Variants in OTC observed in about 807,000 individuals in gnomAD.
The protein encoded by OTC is ornithine transcarbamylase, also known as ornithine transcarbamylase, mitochondrial.
In OTC, 3 loss-of-function variants were observed where a neutral mutation model predicts 30.3. The ratio of observed to expected loss-of-function variants is 0.10; its 90% CI spans 0.05 to 0.26. OTC has a LOEUF of 0.26. Ranked by LOEUF, OTC falls within the 10% of genes least tolerant of loss-of-function variation. The pLI is 1.00. For synonymous variants in OTC, 111 were observed against 99.7 expected, an observed-to-expected ratio of 1.11 and a Z score of -0.67; for missense variants, 194 against 260.3, an observed-to-expected ratio of 0.75 and a Z score of 1.75.
intron 9 of OTC, among the ~76,000 whole-genome samples, chrX:38,420,789 T>G (rs151031366): frequency 9.0e-6 from 1 of 111,553 alleles, no homozygotes; most frequent in African/African-American, 3.3e-5. Context: ...GAATGAGGCC[T>G]AATTATGCAG....
At chrX:38,343,317 G>T in the OTC span, among the ~76,000 whole-genome samples, 1 of 111,779 alleles carries the variant, frequency 8.9e-6, no homozygotes, top group African/African-American at 3.3e-5. Flanking sequence ...TTCCCTGTTT[G>T]CTCTGTGCCT....
At chrX:38,403,481 T>C (rs981264383) in intron 5 of OTC, 137 bp from the exon 6 acceptor site, 3 of 615,010 alleles carry the variant, frequency 4.9e-6, no homozygotes, top group Non-Finnish European at 8.0e-6. Context: ...CTCTGTGTAA[T>C]GCAAAAAAAT....
Position 38,369,514 on chromosome X carries a change from AT to A in OTC, c.217-265del, listed in dbSNP as rs11313102. On this transcript the variant is annotated intron_variant, in intron 2 of 9. Transcript: ENST00000039007. Reference sequence around the variant, plus strand: ...AGGCACCCACCACCACTCCAGGCTAATTTTTTTTTTTTTTTTTGGTATTTTG... The same window carrying A: ...AGGCACCCACCACCACTCCAGGCTAATTTTTTTTTTTTTTTTGGTATTTTG... 0.2 allele frequency among the ~76,000 whole-genome samples: 18,415 copies of A among 92,108 alleles called. 1,681 individuals are homozygous for A. The highest frequency in any genetic ancestry group is 0.25 in the Middle Eastern group (45 of 182). The allele number at this position is 92,108 out of a possible 115,157, so 80.0% of individuals were successfully genotyped here.
chrX:38,339,162 C>G, the OTC span, among the ~76,000 whole-genome samples: 1 of 112,036 alleles, frequency 8.9e-6, no homozygotes, highest in African/African-American at 3.2e-5. Context: ...TCAACACTTG[C>G]TTTCTTTCTG....
At chrX:38,392,660 T>C (rs948497940) in intron 4 of OTC, among the ~76,000 whole-genome samples, 2 of 112,282 alleles carry the variant, frequency 1.8e-5, no homozygotes, top group Non-Finnish European at 3.8e-5. Flanking sequence ...TAAGTGTCTT[T>C]AATATCTTTG....
intron 3 of OTC, among the ~76,000 whole-genome samples, chrX:38,370,225 T>A (rs557847662): frequency 1.1e-3 from 123 of 112,452 alleles, no homozygotes; most frequent in Non-Finnish European, 1.9e-3. Context: ...AACATTTCCT[T>A]GTGTGTCTCA....
At chrX:38,412,597 A>G (rs2068549448) in intron 9 of OTC, among the ~76,000 whole-genome samples, 1 of 112,168 alleles carries the variant, frequency 8.9e-6, no homozygotes, top group African/African-American at 3.2e-5. Context: ...AATATTAACC[A>G]TATGTCTACT....
intron 1 of OTC, among the ~76,000 whole-genome samples, chrX:38,359,921 TTTTTTTTG>T (rs2068262539): frequency 9.5e-6 from 1 of 105,316 alleles, no homozygotes; most frequent in African/African-American, 3.5e-5. Flanking sequence ...TTTCTTTTTT[TTTTTTTTG>T]TTTTTGAGGC....
the OTC span, among the ~76,000 whole-genome samples, chrX:38,336,615 C>T: frequency 3.6e-3 from 400 of 110,604 alleles, 4 homozygotes; most frequent in Non-Finnish European, 5.3e-3. Context: ...ATGCAGGTAC[C>T]GCTTTCACCA....
At chrX:38,409,587 G>A (rs944495642) in intron 8 of OTC, among the ~76,000 whole-genome samples, 2 of 112,059 alleles carry the variant, frequency 1.8e-5, no homozygotes, top group Admixed American at 9.5e-5. Flanking sequence ...CCACCCCCAG[G>A]GTTTCTGATT....
intron 4 of OTC, among the ~76,000 whole-genome samples, chrX:38,387,954 C>A (rs1474907274): frequency 9.0e-6 from 1 of 111,484 alleles, no homozygotes; most frequent in Non-Finnish European, 1.9e-5. Flanking sequence ...GCACAGTGGA[C>A]CACCCTTCTC....
chrX:38,354,670 C>G (rs1446962114), intron 1 of OTC, among the ~76,000 whole-genome samples: 1 of 111,235 alleles, frequency 9.0e-6, no homozygotes, highest in African/African-American at 3.3e-5. Flanking sequence ...CGGCCCAAAT[C>G]CAAACTTTCT....
At chrX:38,358,923 G>T (rs2068256248) in intron 1 of OTC, among the ~76,000 whole-genome samples, 1 of 110,642 alleles carries the variant, frequency 9.0e-6, no homozygotes. Context: ...CACCCGGCCA[G>T]CTGTGGTGCA....
rs191266787 is a variant in OTC, at chrX:38,397,482, T to C, written c.387-3793T>C. Among the ~76,000 whole-genome samples the C allele has an allele frequency of 3.6e-3, 406 of 111,996 alleles. 3 individuals are homozygous for C. Among genetic ancestry groups the C allele is most frequent in the African/African-American group, 0.012 (384 of 30,893 alleles). The stretch of plus-strand genomic sequence containing the variant: ...TTCTTTTTTTAAAAATAGAACAATA[T>C]TAGAGACAAAAATCTGGTCACTAGG... On this transcript the variant is annotated intron_variant, in intron 4 of 9. Coordinates refer to ENST00000039007, the MANE Select transcript of OTC (RefSeq NM_000531.6).
intron 3 of OTC, among the ~76,000 whole-genome samples, chrX:38,379,786 C>T (rs1037350095): frequency 3.6e-5 from 4 of 110,355 alleles, no homozygotes; most frequent in African/African-American, 1.3e-4. Flanking sequence ...CCCACCACCA[C>T]GCCTGGCTAA....
chrX:38,420,674 G>A (rs772509261), intron 9 of OTC, among the ~76,000 whole-genome samples: 110 of 110,677 alleles, frequency 9.9e-4, no homozygotes, highest in Non-Finnish European at 2.0e-3. Context: ...GAATAGGAGA[G>A]ATGATATTTC....
At chrX:38,347,016 G>T in the OTC span, among the ~76,000 whole-genome samples, 1 of 112,341 alleles carries the variant, frequency 8.9e-6, no homozygotes, top group East Asian at 2.8e-4. Context: ...TTGTAAGAGA[G>T]TATTGATTTC....
chrX:38,359,257 T>C (rs184406492), intron 1 of OTC, among the ~76,000 whole-genome samples: 246 of 111,426 alleles, frequency 2.2e-3, no homozygotes, highest in Middle Eastern at 4.6e-3. Flanking sequence ...TGTCCAGTCA[T>C]TGTTCCCAGT....
chrX:38,421,706 A>G (rs899901462), downstream of OTC, among the ~76,000 whole-genome samples: 1 of 112,379 alleles, frequency 8.9e-6, no homozygotes, highest in Non-Finnish European at 1.9e-5. Context: ...AAGAGCATGT[A>G]TCTCTTCTCT....
Sources: gnomAD v4.1 joint callset for allele counts (sites outside exome capture counted in the v4.1 genomes callset) on GRCh38, gnomAD v4.1.1 for gene constraint, MANE v1.5 for transcripts, NCBI Gene and HGNC (gene_info 2026-07-23, HGNC 2026-07-21) for gene names.